Variants in INTU observed in about 807,000 individuals in gnomAD.
The protein encoded by INTU is protein inturned.
In INTU, 68 loss-of-function variants were observed where a neutral mutation model predicts 100.5. The observed-to-expected ratio is 0.68, with a 90% CI of 0.56 to 0.83. INTU has a LOEUF of 0.83. Among genes scored for constraint, INTU ranks in the 40% least tolerant of loss-of-function variants. The probability of loss-of-function intolerance (pLI) is 0.00; values close to 1 mark genes in which losing one functional copy is unlikely to be tolerated. For missense variants in INTU, 1,071 were observed against 1,114.7 expected (o/e 0.96, Z 0.56); for synonymous variants, 357 against 395.7 (o/e 0.90, Z 1.16).
intron 6 of INTU, among the ~76,000 whole-genome samples, chr4:127,684,131 G>A (rs1054407802): frequency 3.3e-5 from 5 of 151,986 alleles, no homozygotes; most frequent in African/African-American, 1.2e-4. Context: ...GGTGACTACT[G>A]GCCTCATTTT....
At chr4:127,715,245 A>G (rs1488818013) in intron 15 of INTU, among the ~76,000 whole-genome samples, 1 of 152,150 alleles carries the variant, frequency 6.6e-6, no homozygotes, top group African/African-American at 2.4e-5. Flanking sequence ...CAAGTTGGGA[A>G]CCTAAGTTAG....
At chr4:127,684,613 C>A (rs976747889) in intron 7 of INTU, 127 bp downstream of exon 7, 28 of 547,488 alleles carry the variant, frequency 5.1e-5, no homozygotes, top group Non-Finnish European at 8.6e-5. Flanking sequence ...CCCCTCTTTC[C>A]TCCTCCTCTT....
intron 6 of INTU, among the ~76,000 whole-genome samples, chr4:127,681,305 A>C (rs908160758): frequency 2.6e-5 from 4 of 152,106 alleles, no homozygotes; most frequent in Admixed American, 6.5e-5. Context: ...GTCAATCCTA[A>C]GCCAAAAGAA....
chr4:127,676,666 A>C (rs1729207983), intron 6 of INTU, among the ~76,000 whole-genome samples: 1 of 151,712 alleles, frequency 6.6e-6, no homozygotes, highest in African/African-American at 2.4e-5. Flanking sequence ...TCCCAGCGTG[A>C]GCGATGCAGA....
intron 2 of INTU, among the ~76,000 whole-genome samples, chr4:127,654,486 T>G (rs1728077939): frequency 6.6e-6 from 1 of 152,170 alleles, no homozygotes. Flanking sequence ...TTATGAAGCT[T>G]AGTTTGGCTG....
chr4:127,724,380 A>T lies in INTU; in HGVS notation c.*7944A>T, dbSNP rs1380537198. The T allele has an allele frequency of 6.6e-6, 1 of 150,598 alleles. No homozygotes were observed. Among genetic ancestry groups the T allele is most frequent in the Non-Finnish European group, 1.5e-5 (1 of 67,866 alleles). 9.3% of individuals were successfully genotyped at this position (150,598 alleles called of 1,614,324 possible). On this transcript the variant is annotated 3_prime_UTR_variant, in exon 16 of 16. Coordinates refer to ENST00000335251, the MANE Select transcript of INTU (RefSeq NM_015693.4). ...GGTTGCAGTGAGCCAAGATCACACC[A>T]CCGCACTTCTGCCTGTGGAACAGAA...
intron 1 of INTU, among the ~76,000 whole-genome samples, chr4:127,634,002 C>T (rs1726958176): frequency 6.6e-6 from 1 of 152,114 alleles, no homozygotes; most frequent in Non-Finnish European, 1.5e-5. Context: ...TAATGGACAA[C>T]CATACCTGGT....
intron 10 of INTU, among the ~76,000 whole-genome samples, chr4:127,705,069 G>A (rs770466222): frequency 3.3e-5 from 5 of 151,550 alleles, no homozygotes; most frequent in Non-Finnish European, 7.4e-5. Flanking sequence ...TCCAGCCTGG[G>A]TGACAGAGAC....
chr4:127,710,072 A>G (rs1354765902), intron 13 of INTU, among the ~76,000 whole-genome samples: 3 of 152,118 alleles, frequency 2.0e-5, no homozygotes, highest in Admixed American at 6.6e-5. Flanking sequence ...TATTAACTCC[A>G]TATCAGAATT....
intron 15 of INTU, among the ~76,000 whole-genome samples, chr4:127,714,310 T>TG (rs1731190552): frequency 6.6e-6 from 1 of 152,148 alleles, no homozygotes; most frequent in African/African-American, 2.4e-5. Context: ...AGTAATACAC[T>TG]GAAAGAATAA....
rs1342665180 is a variant in INTU at position 127,719,599 on chromosome 4, ATCCATCTGG to A, written c.*3167_*3175del. ...TATTTCTGGCAGAATTCAGCTGTAG[ATCCATCTGG>A]TCCTGGGCTTTTTTTGGTTGGTAGC... is the stretch of plus-strand genomic sequence containing the variant. On this transcript the variant is annotated 3_prime_UTR_variant, in exon 16 of 16. Coordinates refer to ENST00000335251, the MANE Select transcript of INTU (RefSeq NM_015693.4). 1.3e-5 allele frequency: 2 copies of A among 152,140 alleles called. No individual in the cohort carries two copies. The highest frequency in any genetic ancestry group is 2.9e-5 in the Non-Finnish European group (2 of 68,040). 9.4% of individuals were successfully genotyped at this position (152,140 alleles called of 1,614,324 possible). A position where few individuals can be genotyped will look rare whatever the true frequency, so the allele number is the denominator to read the frequency against.
intron 2 of INTU, among the ~76,000 whole-genome samples, chr4:127,649,509 A>AT (rs77512546): frequency 0.032 from 4,650 of 146,364 alleles, 200 homozygotes; most frequent in African/African-American, 0.1. Flanking sequence ...AGTGCTTCCA[A>AT]TTTTTTTTTT....
chr4:127,638,637 AG>A (rs1727176960), intron 1 of INTU, among the ~76,000 whole-genome samples: 2 of 152,190 alleles, frequency 1.3e-5, no homozygotes, highest in Non-Finnish European at 2.9e-5. Flanking sequence ...TTTATGTTAC[AG>A]CTTATGCAAG....
At chr4:127,633,388 TG>T (rs1726925358) in intron 1 of INTU, among the ~76,000 whole-genome samples, 1 of 152,192 alleles carries the variant, frequency 6.6e-6, no homozygotes, top group Admixed American at 6.5e-5. Context: ...GGTTGTTTTT[TG>T]TTTGTTTTGT....
chr4:127,681,649 C>A (rs1729558695), intron 6 of INTU, among the ~76,000 whole-genome samples: 2 of 152,052 alleles, frequency 1.3e-5, no homozygotes, highest in Admixed American at 1.3e-4. Context: ...CCATAAAAAC[C>A]CTAGAAGAAA....
Position 127,706,832 on chromosome 4 carries a change from AGT to A in INTU, c.2135_2136del (p.Ser712LysfsTer5). The A allele has an allele frequency of 6.2e-7, 1 of 1,614,116 alleles. No homozygotes were observed. Among genetic ancestry groups the A allele is most frequent in the Non-Finnish European group, 8.5e-7 (1 of 1,180,002 alleles). On this transcript the variant is annotated frameshift_variant, in exon 12 of 16. Transcript: ENST00000335251. LOFTEE classifies it high-confidence loss of function. The part of the protein sequence containing the change: ...LKTRKPSPSC[S>X]SGGSDNGCEG... ...GACACGCAAGCCTAGTCCTTCCTGT[AGT>A]AGTGGAGGATCTGACAATGGTTGTG...
chr4:127,722,471 G>C lies in INTU; in HGVS notation c.*6035G>C, dbSNP rs112188141. 4 of 152,498 alleles carry C rather than the reference G, an allele frequency of 2.6e-5. No individual in the cohort carries two copies. Among genetic ancestry groups the C allele is most frequent in the African/African-American group, 9.6e-5 (4 of 41,592 alleles). The allele number at this position is 152,498 out of a possible 1,614,324, so 9.4% of individuals were successfully genotyped here. Reference sequence around the variant, plus strand: ...TAAATAAGCAGTCTGTCTGCCCCTTGACAGGGTGGGTGTGCTACACTGGGG... The same window carrying C: ...TAAATAAGCAGTCTGTCTGCCCCTTCACAGGGTGGGTGTGCTACACTGGGG... On this transcript the variant is annotated 3_prime_UTR_variant, in exon 16 of 16. Coordinates refer to ENST00000335251, the MANE Select transcript of INTU (RefSeq NM_015693.4).
At chr4:127,687,580 G>T (rs1180232999) in intron 7 of INTU, 98 bp from the exon 8 acceptor site, 6 of 836,728 alleles carry the variant, frequency 7.2e-6, no homozygotes, top group Middle Eastern at 4.7e-4. Context: ...GAGGAAGATA[G>T]CCTATGTAGT....
intron 4 of INTU, among the ~76,000 whole-genome samples, chr4:127,667,088 G>A (rs1728730432): frequency 6.6e-6 from 1 of 152,088 alleles, no homozygotes; most frequent in Non-Finnish European, 1.5e-5. Context: ...TTAAGCATTT[G>A]TTATATAAAA....
Sources: gnomAD v4.1 joint callset for allele counts (sites outside exome capture counted in the v4.1 genomes callset) on GRCh38, gnomAD v4.1.1 for gene constraint, MANE v1.5 for transcripts, NCBI Gene and HGNC (gene_info 2026-07-23, HGNC 2026-07-21) for gene names.